The following RSL1D1 variants were observed in gnomAD, a reference collection of about 807,000 sequenced individuals.
The protein encoded by RSL1D1 is ribosomal L1 domain containing 1, also known as ribosomal L1 domain-containing protein 1.
Under a neutral mutation model 44.6 loss-of-function variants are expected in RSL1D1, and 34 were observed. That is an observed-to-expected ratio of 0.76 (90% CI 0.58 to 1.02). The LOEUF (loss-of-function observed/expected upper bound fraction) is 1.02. RSL1D1 is among the 50% of genes least tolerant of loss of function. The pLI is 0.00. For missense variants in RSL1D1, 767 were observed against 568.1 expected (o/e 1.35, Z -3.56); for synonymous variants, 271 against 207.4 (o/e 1.31, Z -2.63).
intron 1 of RSL1D1, chr16:11,851,075 G>A (rs1054601225): frequency 2.0e-5 from 8 of 391,844 alleles, no homozygotes; most frequent in Non-Finnish European, 3.4e-5. Flanking sequence ...GAGCCGAAGG[G>A]CCCACTTTAA....
At chr16:11,848,371 C>T (rs2053813665) in intron 2 of RSL1D1, among the ~76,000 whole-genome samples, 1 of 152,204 alleles carries the variant, frequency 6.6e-6, no homozygotes, top group African/African-American at 2.4e-5. Flanking sequence ...TACTTAAAGA[C>T]TTCCAAATGC....
chr16:11,842,677 A>T lies in RSL1D1; in HGVS notation c.636-677T>A, dbSNP rs185642645. Among the ~76,000 whole-genome samples, 29 of 152,050 alleles carry T rather than the reference A, an allele frequency of 1.9e-4. 1 individual carries two copies. In the East Asian group the frequency reaches 5.6e-3, roughly 29 times the overall value. On this transcript the variant is annotated intron_variant, in intron 5 of 8. Coordinates refer to ENST00000571133, the MANE Select transcript of RSL1D1 (RefSeq NM_015659.3). ...ACATGAGTCACCACACCCAGCCTAA[A>T]TATGTTTTAAAGGAAGATTATCATC...
intron 2 of RSL1D1, among the ~76,000 whole-genome samples, chr16:11,848,847 G>C (rs2053816689): frequency 6.6e-6 from 1 of 151,360 alleles, no homozygotes; most frequent in Admixed American, 6.6e-5. Context: ...GCCCAGGCTG[G>C]AGTCTCTGCA....
In RSL1D1 at chr16:11,838,064, G is replaced by A. The variant is rs774290148; in HGVS notation, c.1196C>T (p.Pro399Leu). ...GKKSPAKSPN[P>L]STPRGKKRKA... ...TCTTTTCTTCCCACGAGGTGTGCTG[G>A]GATTAGGACTCTTTGCTGGAGACTT... The change falls in exon 9 of 9, where the codon CCC (proline) becomes CTC (leucine). Residue 399 changes from proline (P) to leucine (L), a missense_variant. Transcript: ENST00000571133. 2 of 1,600,470 alleles carry A rather than the reference G, an allele frequency of 1.2e-6. No homozygotes were observed. The highest frequency in any genetic ancestry group is 1.7e-6 in the Non-Finnish European group (2 of 1,176,900).
rs900412553 is a variant in RSL1D1, at chr16:11,843,065, G to C, written c.636-1065C>G. Reference sequence around the variant, plus strand: ...GCCTCCCGAGTAGCTGGGATTACAGGAATGCGCCACCACGCCCGGCTAATT... The same window carrying C: ...GCCTCCCGAGTAGCTGGGATTACAGCAATGCGCCACCACGCCCGGCTAATT... On this transcript the variant is annotated intron_variant, in intron 5 of 8. Coordinates refer to ENST00000571133, the MANE Select transcript of RSL1D1 (RefSeq NM_015659.3). 1.1e-4 allele frequency among the ~76,000 whole-genome samples: 16 copies of C among 151,524 alleles called. 1 individual carries two copies. The highest frequency in any genetic ancestry group is 9.2e-4 in the Admixed American group (14 of 15,184).
chr16:11,847,349 T>C (rs2053806156), intron 3 of RSL1D1, among the ~76,000 whole-genome samples: 1 of 152,132 alleles, frequency 6.6e-6, no homozygotes, highest in African/African-American at 2.4e-5. Context: ...AATTCCAGCC[T>C]GGGCGACAGA....
In RSL1D1 at chr16:11,834,766, T is replaced by C. The variant is rs1596434668; in HGVS notation, c.*3021A>G. 6.6e-6 allele frequency: 1 copy of C among 152,262 alleles called. No individual in the cohort carries two copies. Among genetic ancestry groups the C allele is most frequent in the South Asian group, 2.1e-4 (1 of 4,838 alleles). The allele number at this position is 152,262 out of a possible 1,614,324, so 9.4% of individuals were successfully genotyped here. A position where few individuals can be genotyped will look rare whatever the true frequency, so the allele number is the denominator to read the frequency against. On this transcript the variant is annotated 3_prime_UTR_variant, in exon 9 of 9. Coordinates refer to ENST00000571133, the MANE Select transcript of RSL1D1 (RefSeq NM_015659.3). ...GACAGTGGGGTTACAAATAATTTTA[T>C]ATTTTAGATGCTTTCATAATTTAAA...
chr16:11,847,617 G>C (rs182671140), intron 3 of RSL1D1, 51 bp downstream of exon 3: 17 of 1,453,126 alleles, frequency 1.2e-5, no homozygotes, highest in Non-Finnish European at 1.6e-5. Flanking sequence ...ATACCATTTC[G>C]CCTGAATTAA....
At chr16:11,839,211 C>G (rs2053745022) in intron 8 of RSL1D1, among the ~76,000 whole-genome samples, 1 of 151,944 alleles carries the variant, frequency 6.6e-6, no homozygotes, top group Admixed American at 6.6e-5. Context: ...ACCAAAAACA[C>G]AAAAATTAGC....
chr16:11,840,124 A>G, intron 7 of RSL1D1, 139 bp from the exon 8 acceptor site: 5 of 1,346,082 alleles, frequency 3.7e-6, no homozygotes, highest in Non-Finnish European at 5.0e-6. Flanking sequence ...AAACTCCCTA[A>G]CCAGCACTGG....
At chr16:11,848,800 C>CTTTTTTT (rs35932064) in intron 2 of RSL1D1, among the ~76,000 whole-genome samples, 1 of 143,024 alleles carries the variant, frequency 7.0e-6, no homozygotes. Flanking sequence ...GCCAACATAA[C>CTTTTTTT]TTTTTTTTTT....
intron 5 of RSL1D1, among the ~76,000 whole-genome samples, chr16:11,843,871 CAAAAAAAAAAAA>C (rs35833714): frequency 7.5e-5 from 4 of 53,560 alleles, no homozygotes; most frequent in East Asian, 7.4e-4. Context: ...AACTCTGTCT[CAAAAAAAAAAAA>C]AAAAAAAAAA....
At position 11,846,886 on chromosome 16, in the gene RSL1D1, TA is replaced by T. The variant is rs2053802827; in HGVS notation, c.385-44del. On this transcript the variant is annotated intron_variant, in intron 3 of 8. Coordinates refer to ENST00000571133, the MANE Select transcript of RSL1D1 (RefSeq NM_015659.3). ...GAATAAAAACAAGAAGTTAGGAATC[TA>T]AACAAGGAGAAGAAATACTTAGGCA... 4.6e-6 allele frequency: 7 copies of T among 1,512,198 alleles called. No individual in the cohort carries two copies. The East Asian group carries it at 1.6e-4, about 34-fold the overall frequency. The allele number at this position is 1,512,198 out of a possible 1,614,324, so 93.7% of individuals were successfully genotyped here. A position where few individuals can be genotyped will look rare whatever the true frequency, so the allele number is the denominator to read the frequency against.
At chr16:11,849,862 A>T (rs1474747590) in intron 2 of RSL1D1, among the ~76,000 whole-genome samples, 1 of 151,716 alleles carries the variant, frequency 6.6e-6, no homozygotes, top group African/African-American at 2.4e-5. Flanking sequence ...ATTATTTTTT[A>T]TTTTTTTGAG....
Position 11,836,194 on chromosome 16 carries a change from C to T in RSL1D1, c.*1593G>A, listed in dbSNP as rs2053716191. ...CAATAAATAGTGTGGGCTCCCAGAGCTCACGGCCTTCACAGCCTCCACCAT... is the reference window on the plus strand; with the variant it reads ...CAATAAATAGTGTGGGCTCCCAGAGTTCACGGCCTTCACAGCCTCCACCAT... On this transcript the variant is annotated 3_prime_UTR_variant, in exon 9 of 9. Transcript: ENST00000571133. 6.6e-6 allele frequency: 1 copy of T among 152,244 alleles called. No homozygotes were observed. The highest frequency in any genetic ancestry group is 2.4e-5 in the African/African-American group (1 of 41,462). The allele number at this position is 152,244 out of a possible 1,614,324, so 9.4% of individuals were successfully genotyped here.
chr16:11,838,438 C>G (rs1370199531), intron 8 of RSL1D1, among the ~76,000 whole-genome samples: 4 of 151,990 alleles, frequency 2.6e-5, no homozygotes, highest in Non-Finnish European at 5.9e-5. Flanking sequence ...GCTAGGATTA[C>G]AGGCGTGAGC....
In RSL1D1 at chr16:11,833,852, G is replaced by A. The variant is rs2053700455; in HGVS notation, c.*3935C>T. Reference sequence around the variant, plus strand: ...TTGGATTGACTTAAATACATTCATGGCATTTAAAATGAAATTTTAATTATT... The same window carrying A: ...TTGGATTGACTTAAATACATTCATGACATTTAAAATGAAATTTTAATTATT... On this transcript the variant is annotated 3_prime_UTR_variant, in exon 9 of 9. Coordinates refer to ENST00000571133, the MANE Select transcript of RSL1D1 (RefSeq NM_015659.3). 6.6e-6 allele frequency: 1 copy of A among 151,870 alleles called. No individual in the cohort carries two copies. The highest frequency in any genetic ancestry group is 1.5e-5 in the Non-Finnish European group (1 of 67,992). The allele number at this position is 151,870 out of a possible 1,614,324, so 9.4% of individuals were successfully genotyped here.
chr16:11,846,858 G>C lies in RSL1D1; in HGVS notation c.385-15C>G. On this transcript the variant is annotated splice_polypyrimidine_tract_variant and intron_variant, in intron 3 of 8. Transcript: ENST00000571133. ...AGGGAGATAATCTAGGAAGTATAGAGAAGAATAAAAACAAGAAGTTAGGAA... is the reference window on the plus strand; with the variant it reads ...AGGGAGATAATCTAGGAAGTATAGACAAGAATAAAAACAAGAAGTTAGGAA... 1 of 1,578,534 alleles carries C rather than the reference G, an allele frequency of 6.3e-7. No individual in the cohort carries two copies.
chr16:11,837,810 G>GT lies in RSL1D1; in HGVS notation c.1449dup (p.Pro484ThrfsTer39). Reference sequence around the variant, plus strand: ...CTTTAGGTCGACTGGGGTACTTTGGGTTTTTTGGGCCATTTTTTGGGGGTG... The same window carrying GT: ...CTTTAGGTCGACTGGGGTACTTTGGGTTTTTTTGGGCCATTTTTTGGGGGTG... On this transcript the variant is annotated frameshift_variant, in exon 9 of 9. Coordinates refer to ENST00000571133, the MANE Select transcript of RSL1D1 (RefSeq NM_015659.3). LOFTEE classifies it high-confidence loss of function. 6.2e-7 allele frequency: 1 copy of GT among 1,610,072 alleles called. No individual in the cohort carries two copies. The highest frequency in any genetic ancestry group is 8.5e-7 in the Non-Finnish European group (1 of 1,178,312).
Sources: gnomAD v4.1 joint callset for allele counts (sites outside exome capture counted in the v4.1 genomes callset) on GRCh38, gnomAD v4.1.1 for gene constraint, MANE v1.5 for transcripts, NCBI Gene and HGNC (gene_info 2026-07-23, HGNC 2026-07-21) for gene names.